The following ZC3H7A variants were observed in gnomAD, a reference collection of about 807,000 sequenced individuals.
ZC3H7A encodes zinc finger CCCH domain-containing protein 7A.
Under a neutral mutation model 125.5 loss-of-function variants are expected in ZC3H7A, and 44 were observed. The ratio of observed to expected loss-of-function variants is 0.35; its 90% CI spans 0.28 to 0.45. ZC3H7A has a LOEUF of 0.45. Among genes scored for constraint, ZC3H7A ranks in the 20% least tolerant of loss-of-function variants. The pLI, the probability that ZC3H7A is intolerant of heterozygous loss-of-function variation, is 1.00. For missense variants in ZC3H7A, 977 were observed against 1,170.7 expected (o/e 0.83, Z 2.41); for synonymous variants, 399 against 391.2 (o/e 1.02, Z -0.23).
chr16:11,751,599 G>A (rs2052554171), intron 22 of ZC3H7A, 93 bp from the exon 23 acceptor site: 1 of 1,281,730 alleles, frequency 7.8e-7, no homozygotes, highest in Non-Finnish European at 1.1e-6. Context: ...CTAGCTTTAT[G>A]ATTTGCATAC....
Position 11,762,685 on chromosome 16 carries a change from C to T in ZC3H7A, c.2065G>A (p.Val689Ile), listed in dbSNP as rs762014468. 1.2e-6 allele frequency: 2 copies of T among 1,614,048 alleles called. No individual in the cohort carries two copies. Among genetic ancestry groups the T allele is most frequent in the East Asian group, 2.2e-5 (1 of 44,876 alleles). ...KRYWQNLEAN[V>I]PGAQVLGNQI... The stretch of plus-strand genomic sequence containing the variant: ...GAGAAAAATACCTGCGCTCCAGGTA[C>T]ATTTGCTTCCAAATTCTGCCAATAT... The change falls in exon 17 of 23, where the codon GTA becomes ATA. Residue 689 changes from valine (V) to isoleucine (I), a missense_variant. Val to Ile is a conservative substitution (Grantham distance 29, BLOSUM62 3). Transcript: ENST00000355758.
At chr16:11,781,585 G>C in intron 2 of ZC3H7A, 121 bp from the exon 3 acceptor site, 1 of 883,162 alleles carries the variant, frequency 1.1e-6, no homozygotes, top group Non-Finnish European at 1.8e-6. Context: ...ATATTTCAAA[G>C]ACTTCCTCCT....
At position 11,765,439 on chromosome 16, in the gene ZC3H7A, G is replaced by T; in HGVS notation, c.1719+50C>A. Reference sequence around the variant, plus strand: ...TATCACATGGCAGGACAATACCACTGGGCTTGCAAATTCAACTTTACAGTG... The same window carrying T: ...TATCACATGGCAGGACAATACCACTTGGCTTGCAAATTCAACTTTACAGTG... On this transcript the variant is annotated intron_variant, in intron 14 of 22. Coordinates refer to ENST00000355758, the MANE Select transcript of ZC3H7A (RefSeq NM_014153.4). This position sits in a 1 kb window ranked among gnomAD's most constrained non-coding sequence, Gnocchi z 4.8. The T allele has an allele frequency of 6.8e-7, 1 of 1,470,732 alleles. No homozygotes were observed. Among genetic ancestry groups the T allele is most frequent in the South Asian group, 1.3e-5 (1 of 79,714 alleles). 91.1% of individuals were successfully genotyped at this position (1,470,732 alleles called of 1,614,324 possible).
Position 11,765,748 on chromosome 16 carries a change from T to C in ZC3H7A, c.1523-63A>G, listed in dbSNP as rs534617868. ...GCAATTGGCCTGTACTCCCAGCTAC[T>C]TGGGAGGCTGAGGTGGGAGGATCCC... On this transcript the variant is annotated intron_variant, in intron 13 of 22. Transcript: ENST00000355758. The surrounding 1 kb of genome is among the most constrained non-coding windows in gnomAD (Gnocchi z 4.8). 34 of 1,504,896 alleles carry C rather than the reference T, an allele frequency of 2.3e-5. No homozygotes were observed. Among genetic ancestry groups the C allele is most frequent in the South Asian group, 2.1e-4 (16 of 77,826 alleles). The allele number at this position is 1,504,896 out of a possible 1,614,324, so 93.2% of individuals were successfully genotyped here. A position where few individuals can be genotyped will look rare whatever the true frequency, so the allele number is the denominator to read the frequency against.
intron 8 of ZC3H7A, among the ~76,000 whole-genome samples, 193 bp from the exon 9 acceptor site, chr16:11,774,712 C>G (rs1383446666): frequency 1.3e-5 from 2 of 152,132 alleles, no homozygotes; most frequent in Admixed American, 1.3e-4. Context: ...CACAAAATGC[C>G]TGTATCTCTC....
At chr16:11,793,931 T>C (rs1282316464) in intron 1 of ZC3H7A, among the ~76,000 whole-genome samples, 1 of 152,314 alleles carries the variant, frequency 6.6e-6, no homozygotes, top group African/African-American at 2.4e-5. Flanking sequence ...CACTTTGAAA[T>C]TGCTGTCAGA....
At chr16:11,771,693 G>A (rs2141191020) in intron 9 of ZC3H7A, among the ~76,000 whole-genome samples, 1 of 152,000 alleles carries the variant, frequency 6.6e-6, no homozygotes, top group South Asian at 2.1e-4. Flanking sequence ...TAGAGATGGG[G>A]TTTTGCCATG....
At chr16:11,788,155 C>A (rs1476114191) in intron 1 of ZC3H7A, among the ~76,000 whole-genome samples, 2 of 152,052 alleles carry the variant, frequency 1.3e-5, no homozygotes, top group African/African-American at 2.4e-5. Context: ...AGCAGCACTC[C>A]CTCCCAGGGG....
intron 22 of ZC3H7A, among the ~76,000 whole-genome samples, chr16:11,752,395 T>C (rs185679101): frequency 1.3e-5 from 2 of 152,326 alleles, no homozygotes; most frequent in South Asian, 2.1e-4. Context: ...TTTGGGCAAA[T>C]TGGAATGAAC....
At chr16:11,777,746 G>A (rs530874467) in intron 4 of ZC3H7A, among the ~76,000 whole-genome samples, 28 of 148,568 alleles carry the variant, frequency 1.9e-4, no homozygotes, top group Middle Eastern at 7.5e-3. Context: ...GTGGCCAGGC[G>A]TGGTGGCTCA....
chr16:11,786,925 A>C (rs960579581), intron 1 of ZC3H7A, among the ~76,000 whole-genome samples: 5 of 152,174 alleles, frequency 3.3e-5, no homozygotes, highest in African/African-American at 1.2e-4. Context: ...CAGATACCTA[A>C]ACATCTCAGC....
intron 10 of ZC3H7A, 64 bp downstream of exon 10, chr16:11,770,719 A>T: frequency 2.1e-6 from 3 of 1,462,758 alleles, no homozygotes; most frequent in Admixed American, 3.8e-5. Flanking sequence ...AATAATTGCC[A>T]AACAAACATT....
intron 19 of ZC3H7A, among the ~76,000 whole-genome samples, chr16:11,760,002 CCAG>C (rs2052717084): frequency 6.6e-6 from 1 of 151,620 alleles, no homozygotes. Context: ...GCCTGTAATC[CCAG>C]CTACTCGGGA....
chr16:11,778,863 G>T (rs1301625374), intron 4 of ZC3H7A, among the ~76,000 whole-genome samples: 2 of 151,966 alleles, frequency 1.3e-5, no homozygotes, highest in South Asian at 2.1e-4. Context: ...ACATGCACAC[G>T]CCACCATGCC....
chr16:11,787,700 C>A (rs2053280108), intron 1 of ZC3H7A, among the ~76,000 whole-genome samples: 1 of 152,122 alleles, frequency 6.6e-6, no homozygotes, highest in East Asian at 1.9e-4. Flanking sequence ...AATCCCAGCA[C>A]TTTGGGAGGC....
chr16:11,751,903 C>CT (rs34041916), intron 22 of ZC3H7A, among the ~76,000 whole-genome samples: 3,070 of 128,926 alleles, frequency 0.024, 57 homozygotes, highest in Middle Eastern at 0.11. Context: ...ACTGAAAAAC[C>CT]TTTTTTTTTT....
intron 7 of ZC3H7A, among the ~76,000 whole-genome samples, 156 bp downstream of exon 7, chr16:11,776,164 A>C (rs969748706): frequency 6.6e-6 from 1 of 152,188 alleles, no homozygotes; most frequent in African/African-American, 2.4e-5. Context: ...CTGTCTCAAA[A>C]AAATAAATAA....
chr16:11,774,514 A>G lies in ZC3H7A; in HGVS notation c.625T>C (p.Leu209=), dbSNP rs938751419. The G allele has an allele frequency of 5.9e-6, 9 of 1,532,064 alleles. No individual in the cohort carries two copies. The African/African-American group carries it at 1.2e-4, about 21-fold the overall frequency. The allele number at this position is 1,532,064 out of a possible 1,614,324, so 94.9% of individuals were successfully genotyped here. The part of the protein sequence containing the change: ...HSVEDIEPDL[L]TPRQEAVPVV... ...GGAACTGCTTCTTGCCTTGGAGTTA[A>G]TAAATCTGTAACACAGATGGAAATG... Residue 209 remains leucine (L), a synonymous_variant, in exon 9 of 23, where the codon TTA becomes CTA. Transcript: ENST00000355758.
At chr16:11,755,953 A>T (rs1449141914) in intron 21 of ZC3H7A, among the ~76,000 whole-genome samples, 11 of 152,196 alleles carry the variant, frequency 7.2e-5, no homozygotes. Flanking sequence ...TCACGAGGTC[A>T]GGAGTTCGAG....
Sources: gnomAD v4.1 joint callset for allele counts (sites outside exome capture counted in the v4.1 genomes callset) on GRCh38, gnomAD v4.1.1 for gene constraint, Gnocchi (gnomAD v3.1) non-coding constraint, MANE v1.5 for transcripts, NCBI Gene and HGNC (gene_info 2026-07-23, HGNC 2026-07-21) for gene names.